Variants in CNOT4 observed in about 807,000 individuals in gnomAD.
CNOT4 encodes CCR4-NOT transcription complex subunit 4, also known as CCR4-associated factor 4.
A neutral mutation model predicts 73.8 loss-of-function variants in CNOT4; 8 were observed. The ratio of observed to expected loss-of-function variants is 0.11; its 90% confidence interval spans 0.06 to 0.20. The LOEUF (loss-of-function observed/expected upper bound fraction) is 0.20. Among genes scored for constraint, CNOT4 ranks in the 10% least tolerant of loss-of-function variants. The pLI, the probability that CNOT4 is intolerant of heterozygous loss-of-function variation, is 1.00. For missense variants in CNOT4, 564 were observed against 883.4 expected (o/e 0.64, Z 4.58); for synonymous variants, 293 against 321.1 (o/e 0.91, Z 0.94).
intron 10 of CNOT4, chr7:135,387,609 G>A (rs1796187813): frequency 1.0e-6 from 1 of 979,138 alleles, no homozygotes; most frequent in Non-Finnish European, 1.2e-6. Flanking sequence ...AAAATCTCAA[G>A]AGGAGGTGTG....
chr7:135,418,342 CTA>C (rs1797986098), intron 3 of CNOT4, among the ~76,000 whole-genome samples: 1 of 152,196 alleles, frequency 6.6e-6, no homozygotes, highest in African/African-American at 2.4e-5. Context: ...AGCACATTAT[CTA>C]TATACTCAAT....
chr7:135,450,799 T>C (rs2129485863), intron 1 of CNOT4, among the ~76,000 whole-genome samples: 1 of 152,228 alleles, frequency 6.6e-6, no homozygotes, highest in South Asian at 2.1e-4. Context: ...AGGGGAGTGA[T>C]ATAAGATAAA....
intron 1 of CNOT4, among the ~76,000 whole-genome samples, chr7:135,463,150 G>A (rs1408050315): frequency 1.3e-5 from 2 of 152,160 alleles, no homozygotes; most frequent in Non-Finnish European, 2.9e-5. Flanking sequence ...ATAGTTTGAA[G>A]TCAGGTAAAA....
In CNOT4 at chr7:135,394,357, A is replaced by T; in HGVS notation, c.1188T>A (p.Ser396=). Residue 396 remains serine, a synonymous_variant, in exon 10 of 12, where the codon TCT becomes TCA. Coordinates refer to ENST00000541284, the MANE Select transcript of CNOT4 (RefSeq NM_001190850.2). ...AACCCAAGTCATCCTCTGGTTGTTTAGAAGAACCAAAGCCAAAAGCTGCTT... is the reference window on the plus strand; with the variant it reads ...AACCCAAGTCATCCTCTGGTTGTTTTGAAGAACCAAAGCCAAAAGCTGCTT... The part of the protein sequence containing the change: ...DWQAAFGFGS[S]KQPEDDLGFD... 1 of 1,614,048 alleles carries T rather than the reference A, an allele frequency of 6.2e-7. No homozygotes were observed.
chr7:135,506,380 TC>T (rs1227601970), intron 1 of CNOT4, among the ~76,000 whole-genome samples: 1 of 152,236 alleles, frequency 6.6e-6, no homozygotes, highest in African/African-American at 2.4e-5. Context: ...GAATGTAACT[TC>T]CTTCACAAAG....
At position 135,460,770 on chromosome 7, in the gene CNOT4, G is replaced by GA. The variant is rs574937751; in HGVS notation, c.-92-22348dup. On this transcript the variant is annotated intron_variant, in intron 1 of 11. Coordinates refer to ENST00000541284, the MANE Select transcript of CNOT4 (RefSeq NM_001190850.2). ...CAGGGTTGCCACAAACCTTCAATTT[G>GA]AAAAAAAAGCAGTATCTATGAAGCA... 5.3e-3 allele frequency among the ~76,000 whole-genome samples: 798 copies of GA among 151,338 alleles called. 6 individuals carry two copies. Among genetic ancestry groups the GA allele is most frequent in the Middle Eastern group, 0.031 (9 of 294 alleles).
At chr7:135,447,742 A>G (rs1428187430) in intron 1 of CNOT4, among the ~76,000 whole-genome samples, 1 of 152,210 alleles carries the variant, frequency 6.6e-6, no homozygotes, top group Non-Finnish European at 1.5e-5. Flanking sequence ...TTTGGAAGAG[A>G]TTCAAAATAC....
At chr7:135,479,451 C>T (rs144263639) in intron 1 of CNOT4, among the ~76,000 whole-genome samples, 3,044 of 151,642 alleles carry the variant, frequency 0.02, 107 homozygotes, top group African/African-American at 0.07. Context: ...CCTTGTGATC[C>T]GCCCGCCTCG....
At chr7:135,435,402 A>AT (rs1799092236) in intron 2 of CNOT4, among the ~76,000 whole-genome samples, 1 of 152,166 alleles carries the variant, frequency 6.6e-6, no homozygotes, top group East Asian at 1.9e-4. Flanking sequence ...ATATTCTTCA[A>AT]TAAAAACCCA....
intron 1 of CNOT4, among the ~76,000 whole-genome samples, chr7:135,481,518 A>G (rs1466625705): frequency 6.6e-6 from 1 of 152,228 alleles, no homozygotes; most frequent in Non-Finnish European, 1.5e-5. Flanking sequence ...CCATACAACT[A>G]CTATGAAAAA....
chr7:135,387,554 C>CT (rs3841169), intron 10 of CNOT4: 90,702 of 907,186 alleles, frequency 0.1, 2,436 homozygotes, highest in East Asian at 0.15. Flanking sequence ...CCCTTTCATA[C>CT]TTTTTTTTTT....
chr7:135,463,100 T>C (rs960662771), intron 1 of CNOT4, among the ~76,000 whole-genome samples: 7 of 152,226 alleles, frequency 4.6e-5, no homozygotes, highest in African/African-American at 1.7e-4. Flanking sequence ...CCTGTTTTTG[T>C]ACCAGTGTCA....
At chr7:135,414,489 A>C (rs1797744949) in intron 4 of CNOT4, 57 bp from the exon 5 acceptor site, 1 of 781,388 alleles carries the variant, frequency 1.3e-6, no homozygotes, top group Non-Finnish European at 2.2e-6. Context: ...CAATACTAAA[A>C]AAATTCTACT....
chr7:135,375,542 C>T (rs184279899), intron 10 of CNOT4, among the ~76,000 whole-genome samples: 12 of 152,182 alleles, frequency 7.9e-5, no homozygotes, highest in Non-Finnish European at 1.5e-4. Flanking sequence ...ATGTGTTTCA[C>T]GGAAGATTTA....
intron 10 of CNOT4, among the ~76,000 whole-genome samples, chr7:135,374,727 C>G (rs986940277): frequency 6.6e-6 from 1 of 152,106 alleles, no homozygotes; most frequent in African/African-American, 2.4e-5. Context: ...TTTCATAAGA[C>G]AAACTTCTAA....
At position 135,384,910 on chromosome 7, in the gene CNOT4, TG is replaced by T. The variant is rs1796046089; in HGVS notation, c.1627+9007del. On this transcript the variant is annotated intron_variant, in intron 10 of 11. Coordinates refer to ENST00000541284, the MANE Select transcript of CNOT4 (RefSeq NM_001190850.2). ...CATTTCCTCATTAATCCTAAAAAGA[TG>T]GGCTTCCATTCTGTACTTTTCTATG... 3.3e-5 allele frequency among the ~76,000 whole-genome samples: 5 copies of T among 152,366 alleles called. 1 individual carries two copies. In the South Asian group the frequency reaches 1.0e-3, roughly 32 times the overall value.
intron 7 of CNOT4, among the ~76,000 whole-genome samples, chr7:135,403,673 A>G (rs1797120611): frequency 6.6e-6 from 1 of 152,220 alleles, no homozygotes; most frequent in Non-Finnish European, 1.5e-5. Flanking sequence ...GTAGTTGTGT[A>G]AATATGATTT....
chr7:135,508,731 C>A (rs1804537261), intron 1 of CNOT4, among the ~76,000 whole-genome samples: 1 of 152,152 alleles, frequency 6.6e-6, no homozygotes, highest in African/African-American at 2.4e-5. Context: ...ACAGAACCCA[C>A]ACATAACCCA....
intron 1 of CNOT4, among the ~76,000 whole-genome samples, chr7:135,486,486 ATACTT>A (rs550151182): frequency 5.1e-4 from 78 of 152,376 alleles, no homozygotes; most frequent in Admixed American, 1.8e-3. Flanking sequence ...ATACTGGAAA[ATACTT>A]TACCAGTTTC....
Sources: gnomAD v4.1 joint callset for allele counts (sites outside exome capture counted in the v4.1 genomes callset) on GRCh38, gnomAD v4.1.1 for gene constraint, MANE v1.5 for transcripts, NCBI Gene and HGNC (gene_info 2026-07-23, HGNC 2026-07-21) for gene names.